The following RBMS3 variants were observed in gnomAD, a reference collection of about 807,000 sequenced individuals.
RBMS3 encodes the protein RNA-binding motif, single-stranded-interacting protein 3.
RBMS3 carries 27 observed loss-of-function variants against 66.8 expected under a neutral mutation model. The observed-to-expected ratio is 0.40, with a 90% CI of 0.30 to 0.56. The LOEUF is 0.56. Among genes scored for constraint, RBMS3 ranks in the 20% least tolerant of loss-of-function variants. The pLI is 0.40. For synonymous variants in RBMS3, 188 were observed against 183.0 expected (o/e 1.03, Z -0.22); for missense variants, 513 against 549.5 (o/e 0.93, Z 0.66).
At chr3:29,294,853 C>G (rs2033113968) in intron 1 of RBMS3, among the ~76,000 whole-genome samples, 1 of 151,684 alleles carries the variant, frequency 6.6e-6, no homozygotes, top group Non-Finnish European at 1.5e-5. Context: ...CAATTTTGGA[C>G]TATAGTCCAG....
At chr3:29,663,020 GA>G in intron 4 of RBMS3, among the ~76,000 whole-genome samples, 1 of 152,258 alleles carries the variant, frequency 6.6e-6, no homozygotes, top group African/African-American at 2.4e-5. Context: ...CTGTCTGACA[GA>G]AAGTTATTTG....
intron 1 of RBMS3, among the ~76,000 whole-genome samples, chr3:29,421,691 A>T (rs921278804): frequency 6.6e-6 from 1 of 152,212 alleles, no homozygotes; most frequent in African/African-American, 2.4e-5. Context: ...TCATCAGCTT[A>T]TCTGAGAGCA....
Position 29,564,850 on chromosome 3 carries a change from G to A in RBMS3, c.308-22264G>A, listed in dbSNP as rs374931713. Among the ~76,000 whole-genome samples, 81 of 152,044 alleles carry A rather than the reference G, an allele frequency of 5.3e-4. 1 individual carries two copies. In the East Asian group the frequency reaches 0.015, roughly 27 times the overall value. ...TTCTTTAAAGACAATGCCATAGTTT[G>A]GGCTTAGATACAAGTCAATTCTATC... On this transcript the variant is annotated intron_variant, in intron 3 of 14. Coordinates refer to ENST00000383767, the MANE Select transcript of RBMS3 (RefSeq NM_001003793.3).
intron 4 of RBMS3, among the ~76,000 whole-genome samples, chr3:29,646,629 A>G (rs1483150737): frequency 6.6e-6 from 1 of 151,166 alleles, no homozygotes; most frequent in African/African-American, 2.4e-5. Flanking sequence ...TTTCATACCA[A>G]ATCATTTCTA....
chr3:29,920,699 G>T (rs2060748532), intron 10 of RBMS3, among the ~76,000 whole-genome samples: 1 of 151,970 alleles, frequency 6.6e-6, no homozygotes, highest in South Asian at 2.1e-4. Flanking sequence ...AGATAGGCAG[G>T]TCATGGTGGC....
chr3:29,992,469 C>T (rs1044465612), intron 14 of RBMS3, among the ~76,000 whole-genome samples: 81 of 152,044 alleles, frequency 5.3e-4, no homozygotes, highest in African/African-American at 1.9e-3. Context: ...TGCCTGTAGT[C>T]CCACCTACTC....
chr3:29,326,277 A>G (rs904464523), intron 1 of RBMS3, among the ~76,000 whole-genome samples: 5 of 152,126 alleles, frequency 3.3e-5, no homozygotes, highest in Non-Finnish European at 7.4e-5. Flanking sequence ...ACCTCCACCC[A>G]CTGATCTTTC....
intron 3 of RBMS3, among the ~76,000 whole-genome samples, chr3:29,561,280 C>A (rs557406529): frequency 4.3e-4 from 65 of 152,202 alleles, no homozygotes; most frequent in African/African-American, 1.5e-3. Flanking sequence ...GGTCTAATCC[C>A]TTTAGACCAA....
At chr3:29,298,925 G>A (rs781566102) in intron 1 of RBMS3, among the ~76,000 whole-genome samples, 1 of 151,842 alleles carries the variant, frequency 6.6e-6, no homozygotes, top group Non-Finnish European at 1.5e-5. Flanking sequence ...ACCACTGCTT[G>A]GGGGTGGTTT....
At chr3:29,662,168 T>C (rs1254659706) in intron 4 of RBMS3, among the ~76,000 whole-genome samples, 1 of 152,184 alleles carries the variant, frequency 6.6e-6, no homozygotes, top group East Asian at 1.9e-4. Flanking sequence ...GAAAAAAGAA[T>C]GTGATAACTG....
At chr3:29,689,865 A>C (rs1361016841) in intron 4 of RBMS3, among the ~76,000 whole-genome samples, 1 of 137,892 alleles carries the variant, frequency 7.3e-6, no homozygotes, top group South Asian at 2.5e-4. Flanking sequence ...GGTTCACTTA[A>C]GGCCAGGAGT....
At chr3:29,704,524 C>T (rs1165473635) in intron 4 of RBMS3, among the ~76,000 whole-genome samples, 3 of 152,136 alleles carry the variant, frequency 2.0e-5, no homozygotes, top group African/African-American at 4.8e-5. Context: ...ATCACTTAAC[C>T]TCTCAAAGTC....
At chr3:29,622,689 C>T (rs182930248) in intron 4 of RBMS3, among the ~76,000 whole-genome samples, 1 of 152,276 alleles carries the variant, frequency 6.6e-6, no homozygotes, top group African/African-American at 2.4e-5. Context: ...CATGAAGACA[C>T]AATGTGTAGT....
chr3:29,852,099 T>C (rs2149520340), intron 6 of RBMS3, among the ~76,000 whole-genome samples: 1 of 152,280 alleles, frequency 6.6e-6, no homozygotes, highest in East Asian at 1.9e-4. Context: ...ATTCAATAAA[T>C]GATGTTTTGA....
chr3:29,807,063 T>A (rs527883261), intron 6 of RBMS3, among the ~76,000 whole-genome samples: 1 of 151,946 alleles, frequency 6.6e-6, no homozygotes, highest in African/African-American at 2.4e-5. Flanking sequence ...ATGCTTCAAT[T>A]TACAAATAGA....
chr3:29,388,755 A>G lies in RBMS3; in HGVS notation c.76-45988A>G, dbSNP rs568857369. On this transcript the variant is annotated intron_variant, in intron 1 of 14. Transcript: ENST00000383767. Reference sequence around the variant, plus strand: ...TAATTTTAGTATTTTTAGTAGAGACAGGGTTTCACCATGTTAGCCAGGATG... The same window carrying G: ...TAATTTTAGTATTTTTAGTAGAGACGGGGTTTCACCATGTTAGCCAGGATG... Among the ~76,000 whole-genome samples, 202 of 152,226 alleles carry G rather than the reference A, an allele frequency of 1.3e-3. 1 individual carries two copies. The highest frequency in any genetic ancestry group is 3.6e-3 in the African/African-American group (151 of 41,528).
chr3:29,815,310 T>C (rs907175338), intron 6 of RBMS3, among the ~76,000 whole-genome samples: 11 of 152,202 alleles, frequency 7.2e-5, no homozygotes, highest in African/African-American at 2.7e-4. Context: ...TCAAATACCC[T>C]GCAGCAATTA....
intron 10 of RBMS3, among the ~76,000 whole-genome samples, chr3:29,927,521 T>C (rs1449526812): frequency 6.6e-6 from 1 of 152,148 alleles, no homozygotes; most frequent in Non-Finnish European, 1.5e-5. Context: ...GTGCAAAATG[T>C]TATGGGAGAA....
At chr3:29,768,666 G>C (rs1433464752) in intron 6 of RBMS3, among the ~76,000 whole-genome samples, 1 of 151,828 alleles carries the variant, frequency 6.6e-6, no homozygotes, top group Non-Finnish European at 1.5e-5. Flanking sequence ...CAAACTTTGG[G>C]GGAGTTATCA....
Sources: allele counts gnomAD v4.1 joint callset (sites outside exome capture counted in the v4.1 genomes callset), GRCh38; gene constraint gnomAD v4.1.1; transcripts MANE v1.5; gene names NCBI Gene and HGNC (gene_info 2026-07-23, HGNC 2026-07-21).